The following KLHDC4 variants were observed in gnomAD, a reference collection of about 807,000 sequenced individuals.
KLHDC4 encodes the protein kelch domain containing 4.
A neutral mutation model predicts 62.4 loss-of-function variants in KLHDC4; 90 were observed. The ratio of observed to expected loss-of-function variants is 1.44; its 90% CI spans 1.22 to 1.72. KLHDC4 has a LOEUF of 1.72. Ranked by LOEUF, KLHDC4 falls within the 40% of genes most tolerant of loss-of-function variation. The pLI is 0.00. For missense variants in KLHDC4, 1,025 were observed against 699.7 expected (o/e 1.47, Z -5.25); for synonymous variants, 386 against 284.4 (o/e 1.36, Z -3.59).
chr16:87,765,739 C>G (rs1377818396), intron 1 of KLHDC4, 53 bp downstream of exon 1: 3 of 1,510,028 alleles, frequency 2.0e-6, no homozygotes, highest in African/African-American at 2.8e-5. Flanking sequence ...GGGAGTCGGC[C>G]GAGGCTGCAC....
At chr16:87,753,530 T>G (rs184757309) in intron 4 of KLHDC4, among the ~76,000 whole-genome samples, 1 of 152,216 alleles carries the variant, frequency 6.6e-6, no homozygotes, top group African/African-American at 2.4e-5. Context: ...CTGGGAGCAG[T>G]GGCTCACGCC....
At chr16:87,756,721 CAAAAAA>C (rs35385743) in intron 2 of KLHDC4, among the ~76,000 whole-genome samples, 16 of 98,812 alleles carry the variant, frequency 1.6e-4, no homozygotes, top group East Asian at 3.1e-4. Context: ...GTTGTATTAA[CAAAAAA>C]AAAAAAAAAA....
chr16:87,716,026 G>C (rs940625741), intron 7 of KLHDC4, among the ~76,000 whole-genome samples: 1 of 152,194 alleles, frequency 6.6e-6, no homozygotes, highest in Non-Finnish European at 1.5e-5. Flanking sequence ...TATTTATGCA[G>C]ACTTTGGGTA....
At chr16:87,746,776 A>G (rs993158091) in intron 5 of KLHDC4, among the ~76,000 whole-genome samples, 2 of 152,222 alleles carry the variant, frequency 1.3e-5, no homozygotes. Flanking sequence ...AAGAATCGCA[A>G]CTACATTGTA....
At position 87,765,957 on chromosome 16, in the gene KLHDC4, C is replaced by T. The variant is rs567515603; in HGVS notation, c.-67G>A. On this transcript the variant is annotated 5_prime_UTR_variant, in exon 1 of 12. Transcript: ENST00000270583. ...ACGGCCCGCGCTCTCCGCTCGGAAA[C>T]AGGTGCTCGTGGGGCGGAGCTCGGC... The T allele has an allele frequency of 4.8e-6, 7 of 1,471,218 alleles. No individual in the cohort carries two copies. Among genetic ancestry groups the T allele is most frequent in the Non-Finnish European group, 5.6e-6 (6 of 1,080,290 alleles). The allele number at this position is 1,471,218 out of a possible 1,614,324, so 91.1% of individuals were successfully genotyped here.
chr16:87,698,836 C>T (rs1334977984), exon 1 of KLHDC4: 2 of 152,222 alleles, frequency 1.3e-5, no homozygotes, highest in African/African-American at 2.4e-5. Flanking sequence ...CACAGTCGGG[C>T]AGGGCAGGAC....
At chr16:87,719,012 G>A (rs866744366) in intron 7 of KLHDC4, among the ~76,000 whole-genome samples, 14 of 151,996 alleles carry the variant, frequency 9.2e-5, no homozygotes, top group South Asian at 4.2e-4. Flanking sequence ...CGGGAAGTGA[G>A]GAGCGTCTCC....
intron 1 of KLHDC4, among the ~76,000 whole-genome samples, chr16:87,763,913 G>C (rs967940824): frequency 2.0e-5 from 3 of 152,188 alleles, no homozygotes; most frequent in South Asian, 2.1e-4. Flanking sequence ...TTGGGGTATA[G>C]GTAAGACCAC....
intron 5 of KLHDC4, among the ~76,000 whole-genome samples, chr16:87,734,759 A>T (rs1343171519): frequency 6.6e-6 from 1 of 152,176 alleles, no homozygotes; most frequent in Non-Finnish European, 1.5e-5. Context: ...GAGTCCTGCA[A>T]GCTGGCCTCA....
intron 8 of KLHDC4, among the ~76,000 whole-genome samples, chr16:87,713,020 T>C (rs761933869): frequency 6.6e-5 from 10 of 152,122 alleles, no homozygotes; most frequent in African/African-American, 9.6e-5. Context: ...ACAAATGCCA[T>C]TGTCTCCTTC....
chr16:87,743,125 G>C (rs980895623), intron 5 of KLHDC4: 1 of 152,212 alleles, frequency 6.6e-6, no homozygotes, highest in African/African-American at 2.4e-5. Flanking sequence ...GTTTCGTTAA[G>C]TCACAGGGCC....
chr16:87,746,301 G>A (rs1471896310), intron 5 of KLHDC4, among the ~76,000 whole-genome samples: 8 of 151,248 alleles, frequency 5.3e-5, no homozygotes, highest in Admixed American at 4.6e-4. Context: ...AAAGGAAGGA[G>A]AAAGAGAGAG....
In KLHDC4 at chr16:87,742,005, C is replaced by A. The variant is rs188649257; in HGVS notation, c.506+6668G>T. 5.3e-5 allele frequency among the ~76,000 whole-genome samples: 8 copies of A among 152,156 alleles called. No individual in the cohort carries two copies. The South Asian group carries it at 8.3e-4, about 16-fold the overall frequency. ...CACAGGGATTCCCACGTGCTCTGCA[C>A]GAGGCCTGACACAGCAATCTTCCCC... On this transcript the variant is annotated intron_variant, in intron 5 of 11. Transcript: ENST00000270583.
intron 5 of KLHDC4, among the ~76,000 whole-genome samples, chr16:87,734,339 G>C (rs185758991): frequency 6.6e-6 from 1 of 151,788 alleles, no homozygotes; most frequent in African/African-American, 2.4e-5. Context: ...GCAAGACTCC[G>C]TCTCAAGAAA....
intron 2 of KLHDC4, among the ~76,000 whole-genome samples, chr16:87,756,847 CTT>C (rs944639070): frequency 6.6e-6 from 1 of 151,638 alleles, no homozygotes; most frequent in African/African-American, 2.4e-5. Context: ...GAGTTTCCCT[CTT>C]GTCACCCAGG....
intron 4 of KLHDC4, among the ~76,000 whole-genome samples, chr16:87,754,418 A>ATCTGCACGGGATGTTCACACAGC (rs1392989961): frequency 3.9e-5 from 6 of 152,284 alleles, no homozygotes; most frequent in Admixed American, 6.5e-5. Flanking sequence ...GCAAGCCTGC[A>ATCTGCACGGGATGTTCACACAGC]TCTGCACGGG....
chr16:87,727,366 C>T (rs7193929), intron 6 of KLHDC4, among the ~76,000 whole-genome samples: 5,672 of 152,186 alleles, frequency 0.037, 347 homozygotes, highest in African/African-American at 0.13. Context: ...GGTGTGCAAC[C>T]GTAAGGGCAG....
At chr16:87,713,983 A>G (rs2036414191) in intron 8 of KLHDC4, among the ~76,000 whole-genome samples, 1 of 152,012 alleles carries the variant, frequency 6.6e-6, no homozygotes, top group Non-Finnish European at 1.5e-5. Context: ...GGCCAATAGC[A>G]GTCTCGGTGA....
chr16:87,704,478 C>T (rs369003910), downstream of KLHDC4, among the ~76,000 whole-genome samples: 4 of 75,830 alleles, frequency 5.3e-5, no homozygotes, highest in East Asian at 8.1e-4. Flanking sequence ...GGGAAGGAGG[C>T]GCCTGGGGAG....
Sources: gnomAD v4.1 joint callset for allele counts (sites outside exome capture counted in the v4.1 genomes callset) on GRCh38, gnomAD v4.1.1 for gene constraint, MANE v1.5 for transcripts, NCBI Gene and HGNC (gene_info 2026-07-23, HGNC 2026-07-21) for gene names.